Variants in BANK1 observed in about 807,000 individuals in gnomAD.
BANK1 encodes the protein B-cell scaffold protein with ankyrin repeats.
In BANK1, 95 loss-of-function variants were observed where a neutral mutation model predicts 94.5. That is an observed-to-expected ratio of 1.00 (90% CI 0.85 to 1.19). The LOEUF (loss-of-function observed/expected upper bound fraction) is 1.19, where lower values mean the gene tolerates loss of function less well. BANK1 is among the 50% of genes most tolerant of loss of function. The pLI is 0.00. For synonymous variants in BANK1, 334 were observed against 308.4 expected (o/e 1.08, Z -0.87); for missense variants, 987 against 932.2 (o/e 1.06, Z -0.77).
At chr4:101,912,663 T>A (rs922764824) in intron 6 of BANK1, among the ~76,000 whole-genome samples, 1 of 149,342 alleles carries the variant, frequency 6.7e-6, no homozygotes, top group African/African-American at 2.4e-5. Context: ...ATATAAATAT[T>A]GGCAGGTCTG....
intron 7 of BANK1, among the ~76,000 whole-genome samples, chr4:101,996,019 C>T (rs1725867008): frequency 6.6e-6 from 1 of 152,122 alleles, no homozygotes; most frequent in Non-Finnish European, 1.5e-5. Flanking sequence ...GAAGTCTTTG[C>T]CCATACCTAT....
At chr4:101,806,351 A>AC (rs70964190) in intron 1 of BANK1, among the ~76,000 whole-genome samples, 136,605 of 152,136 alleles carry the variant, frequency 0.9, 61,667 homozygotes, top group African/African-American at 0.97. Flanking sequence ...ATGTTTAAAA[A>AC]AAAATAAAAA....
chr4:101,791,298 G>A (rs995068917), intron 1 of BANK1, among the ~76,000 whole-genome samples: 1 of 150,988 alleles, frequency 6.6e-6, no homozygotes. Flanking sequence ...AGCAATGCGC[G>A]TTTAAAATTA....
chr4:101,811,994 T>G (rs1049875671), intron 1 of BANK1, among the ~76,000 whole-genome samples: 3 of 152,050 alleles, frequency 2.0e-5, no homozygotes, highest in Admixed American at 2.0e-4. Context: ...ATTAAATAAC[T>G]ATTACATAAA....
chr4:101,968,252 A>G (rs1385830400), intron 7 of BANK1, among the ~76,000 whole-genome samples: 2 of 152,128 alleles, frequency 1.3e-5, no homozygotes, highest in Non-Finnish European at 1.5e-5. Context: ...AGGGAATGTT[A>G]TATGACAAAT....
chr4:101,814,953 A>G (rs1307530825), intron 1 of BANK1, among the ~76,000 whole-genome samples: 1 of 152,150 alleles, frequency 6.6e-6, no homozygotes, highest in Non-Finnish European at 1.5e-5. Context: ...GAGTTCAGGG[A>G]CATGTATTGG....
intron 3 of BANK1, among the ~76,000 whole-genome samples, chr4:101,856,422 G>C (rs1727683070): frequency 6.6e-6 from 1 of 152,098 alleles, no homozygotes; most frequent in African/African-American, 2.4e-5. Context: ...CAGAACTCGT[G>C]GCTCCTACTG....
At chr4:101,802,820 G>C (rs1361968613) in intron 1 of BANK1, among the ~76,000 whole-genome samples, 1 of 152,168 alleles carries the variant, frequency 6.6e-6, no homozygotes, top group Non-Finnish European at 1.5e-5. Flanking sequence ...GAGTAGGTGA[G>C]TTACCATGTG....
intron 7 of BANK1, among the ~76,000 whole-genome samples, chr4:101,951,322 T>A (rs1724143497): frequency 1.3e-5 from 2 of 152,090 alleles, no homozygotes; most frequent in South Asian, 4.1e-4. Flanking sequence ...AGAGCTTTTT[T>A]AAAAAACAGA....
chr4:101,982,725 T>C (rs1004466159), intron 7 of BANK1, among the ~76,000 whole-genome samples: 25 of 152,006 alleles, frequency 1.6e-4, no homozygotes, highest in Admixed American at 1.4e-3. Flanking sequence ...ATCATTATTA[T>C]GTAAAGAGAG....
intron 7 of BANK1, among the ~76,000 whole-genome samples, chr4:101,975,436 A>G (rs1328754723): frequency 6.6e-6 from 1 of 152,148 alleles, no homozygotes; most frequent in Non-Finnish European, 1.5e-5. Context: ...ATTACAGTTC[A>G]TTAGAGAGAT....
chr4:101,999,433 C>CAATAAAGCACTGATGCATCAGCA (rs1725989300), intron 7 of BANK1, among the ~76,000 whole-genome samples: 1 of 152,124 alleles, frequency 6.6e-6, no homozygotes, highest in Admixed American at 6.5e-5. Flanking sequence ...AAATGGATGT[C>CAATAAAGCACTGATGCATCAGCA]AATAAAGCAC....
chr4:102,014,528 A>T (rs998003884), intron 7 of BANK1, among the ~76,000 whole-genome samples: 5 of 152,140 alleles, frequency 3.3e-5, no homozygotes, highest in African/African-American at 9.6e-5. Context: ...AATTATTACA[A>T]GTTTACTCTC....
At chr4:102,035,337 A>T (rs992348887) in intron 10 of BANK1, among the ~76,000 whole-genome samples, 42 of 152,164 alleles carry the variant, frequency 2.8e-4, no homozygotes, top group African/African-American at 9.2e-4. Context: ...CCAGAGACAT[A>T]ACTTATTAAT....
At chr4:101,925,151 G>T (rs1484396718) in intron 7 of BANK1, among the ~76,000 whole-genome samples, 1 of 151,464 alleles carries the variant, frequency 6.6e-6, no homozygotes, top group Non-Finnish European at 1.5e-5. Context: ...GATTTACCTT[G>T]TAGTATTTAT....
intron 2 of BANK1, among the ~76,000 whole-genome samples, chr4:101,850,231 ATTTGTG>A (rs1237275299): frequency 2.6e-5 from 4 of 152,030 alleles, no homozygotes; most frequent in African/African-American, 9.7e-5. Context: ...TCTGCTTTGA[ATTTGTG>A]TTTGGGTGTC....
At chr4:102,039,628 C>T (rs1727641887) in intron 10 of BANK1, among the ~76,000 whole-genome samples, 1 of 152,082 alleles carries the variant, frequency 6.6e-6, no homozygotes, top group Non-Finnish European at 1.5e-5. Context: ...TCCCTATCCC[C>T]TCTTATCAGT....
At chr4:101,881,032 A>G (rs917322869) in intron 5 of BANK1, among the ~76,000 whole-genome samples, 5 of 152,150 alleles carry the variant, frequency 3.3e-5, no homozygotes, top group Non-Finnish European at 5.9e-5. Flanking sequence ...CTTGACAAAT[A>G]TCCGACAAGC....
intron 1 of BANK1, among the ~76,000 whole-genome samples, chr4:101,796,497 T>TA (rs1447983746): frequency 6.6e-6 from 1 of 152,298 alleles, no homozygotes; most frequent in African/African-American, 2.4e-5. Context: ...GCACTAGGAA[T>TA]AGAGTATGAG....
Sources: allele counts gnomAD v4.1 joint callset (sites outside exome capture counted in the v4.1 genomes callset), GRCh38; gene constraint gnomAD v4.1.1; transcripts MANE v1.5; gene names NCBI Gene and HGNC (gene_info 2026-07-23, HGNC 2026-07-21).